Variants in RP1L1 observed in about 807,000 individuals in gnomAD.
RP1L1 encodes the protein RP1 like 1.
Under a neutral mutation model 15.7 loss-of-function variants are expected in RP1L1, and 27 were observed. The observed-to-expected ratio is 1.72, with a 90% CI of 1.27 to 2.38. The LOEUF (loss-of-function observed/expected upper bound fraction) is 2.38, where lower values mean the gene tolerates loss of function less well. Ranked by LOEUF, RP1L1 falls within the 30% of genes most tolerant of loss-of-function variation. RP1L1 has a pLI of 0.00. For missense variants in RP1L1, 4,798 were observed against 3,075.9 expected (o/e 1.56, Z -13.24); for synonymous variants, 1,813 against 1,276.7 (o/e 1.42, Z -8.96).
At position 10,615,302 on chromosome 8, in the gene RP1L1, G is replaced by T. The variant is rs189628980; in HGVS notation, c.751+1144C>A. On this transcript the variant is annotated intron_variant, in intron 3 of 3. Transcript: ENST00000382483. ...CATCATCAGACTGCATTTGTTAATT[G>T]TGCTTTTAAAAATAAGTGTGTGTAG... Among the ~76,000 whole-genome samples, 21 of 152,318 alleles carry T rather than the reference G, an allele frequency of 1.4e-4. No individual in the cohort carries two copies. In the East Asian group the frequency reaches 2.3e-3, roughly 17 times the overall value.
chr8:10,651,732 G>C (rs1048846743), intron 1 of RP1L1, among the ~76,000 whole-genome samples: 1 of 147,984 alleles, frequency 6.8e-6, no homozygotes, highest in African/African-American at 2.5e-5. Context: ...ACTCCAGCCT[G>C]GCAACAGAGC....
chr8:10,613,994 C>T (rs1185687414), intron 3 of RP1L1, among the ~76,000 whole-genome samples: 2 of 152,104 alleles, frequency 1.3e-5, no homozygotes, highest in Admixed American at 6.6e-5. Flanking sequence ...TTGATTGGTT[C>T]GGTTCGTATT....
chr8:10,616,951 C>A (rs529808811), intron 2 of RP1L1, among the ~76,000 whole-genome samples: 5 of 152,178 alleles, frequency 3.3e-5, no homozygotes, highest in Non-Finnish European at 5.9e-5. Context: ...AGCAGCACGC[C>A]CTCCAGCTCC....
chr8:10,608,551 T>G lies in RP1L1; in HGVS notation c.5547A>C (p.Glu1849Asp), dbSNP rs1276386657. The change falls in exon 4 of 4, where the codon GAA (glutamate) becomes GAC (aspartate). Residue 1849 changes from glutamate to aspartate, a missense_variant. By Grantham distance (45) the Glu-to-Asp change is conservative (BLOSUM62 2). Coordinates refer to ENST00000382483, the MANE Select transcript of RP1L1 (RefSeq NM_178857.6). ...CTTCTGCCTCTGGGGCCTCTACACC[T>G]TCTGACTCTGGCTGGGCCTCCCCTT... ...EAEGEAQPESEGVEAPEAEGD... is the reference protein window; with the variant it reads ...EAEGEAQPESDGVEAPEAEGD... The G allele has an allele frequency of 1.2e-6, 2 of 1,610,276 alleles. No individual in the cohort carries two copies. Among genetic ancestry groups the G allele is most frequent in the South Asian group, 2.2e-5 (2 of 90,806 alleles).
At chr8:10,643,592 A>C (rs189853702) in intron 1 of RP1L1, among the ~76,000 whole-genome samples, 1 of 152,274 alleles carries the variant, frequency 6.6e-6, no homozygotes, top group East Asian at 1.9e-4. Flanking sequence ...AAAAGAAAAA[A>C]AAATAGCTGT....
intron 3 of RP1L1, among the ~76,000 whole-genome samples, chr8:10,615,342 C>T (rs1797948324): frequency 6.6e-6 from 1 of 152,222 alleles, no homozygotes; most frequent in African/African-American, 2.4e-5. Flanking sequence ...AAAAAAATAA[C>T]ATAGTCCAGA....
chr8:10,651,538 C>T lies in RP1L1; in HGVS notation c.-20+3360G>A, dbSNP rs148410891. ...GTTCAAGAGATTGAGACCATCCTGG[C>T]CAACACGGTGAAACCCCATCTCTAC... On this transcript the variant is annotated intron_variant, in intron 1 of 3. Transcript: ENST00000382483. Among the ~76,000 whole-genome samples, 420 of 152,212 alleles carry T rather than the reference C, an allele frequency of 2.8e-3. 3 individuals carry two copies. In the South Asian group the frequency reaches 0.049, roughly 18 times the overall value.
intron 2 of RP1L1, among the ~76,000 whole-genome samples, chr8:10,619,925 C>G (rs190046117): frequency 2.1e-5 from 3 of 142,916 alleles, no homozygotes; most frequent in South Asian, 4.5e-4. Flanking sequence ...CATGCCACTG[C>G]GCTCCACCAT....
intron 1 of RP1L1, among the ~76,000 whole-genome samples, chr8:10,627,532 G>T (rs1253790619): frequency 2.0e-5 from 3 of 152,078 alleles, no homozygotes; most frequent in African/African-American, 4.8e-5. Flanking sequence ...TCACCCTGGG[G>T]AGTTCTGGGG....
chr8:10,635,676 A>G (rs1445925876), intron 1 of RP1L1, among the ~76,000 whole-genome samples: 2 of 152,250 alleles, frequency 1.3e-5, no homozygotes, highest in Non-Finnish European at 2.9e-5. Context: ...CCCTCGTGAC[A>G]CAGAGCTATT....
At chr8:10,648,265 C>G (rs1044196922) in intron 1 of RP1L1, among the ~76,000 whole-genome samples, 1 of 152,170 alleles carries the variant, frequency 6.6e-6, no homozygotes, top group African/African-American at 2.4e-5. Flanking sequence ...CTCCTGACCT[C>G]AGGTCATCCA....
At chr8:10,622,141 G>C (rs1485175039) in intron 2 of RP1L1, among the ~76,000 whole-genome samples, 2 of 151,826 alleles carry the variant, frequency 1.3e-5, no homozygotes, top group Non-Finnish European at 2.9e-5. Context: ...GACCAACATG[G>C]AGAAACCCTG....
intron 1 of RP1L1, among the ~76,000 whole-genome samples, chr8:10,631,082 G>C (rs1474902715): frequency 6.6e-6 from 1 of 152,130 alleles, no homozygotes; most frequent in Non-Finnish European, 1.5e-5. Flanking sequence ...ACAGTTGGGA[G>C]CCATGGTCGA....
At chr8:10,623,869 C>A (rs141304162) in intron 1 of RP1L1, among the ~76,000 whole-genome samples, 3 of 151,784 alleles carry the variant, frequency 2.0e-5, no homozygotes, top group Non-Finnish European at 4.4e-5. Context: ...CCACGTATAT[C>A]CCCAGCACCA....
chr8:10,628,855 C>T (rs555136295), intron 1 of RP1L1, among the ~76,000 whole-genome samples: 1 of 152,154 alleles, frequency 6.6e-6, no homozygotes, highest in Non-Finnish European at 1.5e-5. Context: ...TCCTGTCCAT[C>T]CCCCACAAAC....
rs368227858 is a variant in RP1L1 at position 10,608,764 on chromosome 8, G to A, written c.5334C>T (p.Asn1778=). 4 of 1,613,778 alleles carry A rather than the reference G, an allele frequency of 2.5e-6. No individual in the cohort carries two copies. The highest frequency in any genetic ancestry group is 3.4e-6 in the Non-Finnish European group (4 of 1,179,788). ...MAQEREGKTH[N]SETSAGSELG... ...ACTCACTGCCCGCACTGGTTTCACT[G>A]TTGTGGGTTTTCCCTTCTCTCTCCT... The change falls in exon 4 of 4, where the codon AAC becomes AAT. Residue 1778 remains asparagine, a synonymous_variant. Coordinates refer to ENST00000382483, the MANE Select transcript of RP1L1 (RefSeq NM_178857.6).
In RP1L1 at chr8:10,625,322, G is replaced by C. The variant is rs1036074847; in HGVS notation, c.-19-2102C>G. 2.0e-4 allele frequency among the ~76,000 whole-genome samples: 30 copies of C among 152,186 alleles called. 1 individual carries two copies. Among genetic ancestry groups the C allele is most frequent in the Non-Finnish European group, 5.9e-5 (4 of 68,042 alleles). On this transcript the variant is annotated intron_variant, in intron 1 of 3. Coordinates refer to ENST00000382483, the MANE Select transcript of RP1L1 (RefSeq NM_178857.6). ...CAGGGTCACAGAAGCTCCCAGGAGG[G>C]AGAAGGCTCTTCCTCCAGTACCACT...
At chr8:10,620,217 C>T (rs1798036731) in intron 2 of RP1L1, among the ~76,000 whole-genome samples, 3 of 152,136 alleles carry the variant, frequency 2.0e-5, no homozygotes, top group Non-Finnish European at 2.9e-5. Flanking sequence ...ACTTCTTTTG[C>T]TATAAAATTA....
chr8:10,613,079 G>C lies in RP1L1; in HGVS notation c.1019C>G (p.Ser340Cys). The C allele has an allele frequency of 1.9e-6, 3 of 1,613,808 alleles. No homozygotes were observed. Among genetic ancestry groups the C allele is most frequent in the Non-Finnish European group, 2.5e-6 (3 of 1,180,042 alleles). Residue 340 changes from serine (S) to cysteine (C), a missense_variant, in exon 4 of 4, where the codon TCC becomes TGC. Transcript: ENST00000382483. ...HLVGEDTLLW[S>C]RRMGRASALT... ...GGCGCTGGCCCTGCCCATCCTCCGG[G>C]ACCATAGGAGCGTGTCCTCGCCGAC...
Sources: gnomAD v4.1 joint callset for allele counts (sites outside exome capture counted in the v4.1 genomes callset) on GRCh38, gnomAD v4.1.1 for gene constraint, MANE v1.5 for transcripts, NCBI Gene and HGNC (gene_info 2026-07-23, HGNC 2026-07-21) for gene names.